The following MTRF1 variants were observed in gnomAD, a reference collection of about 807,000 sequenced individuals.
MTRF1 encodes the protein peptide chain release factor 1, mitochondrial.
Under a neutral mutation model 62.9 loss-of-function variants are expected in MTRF1, and 51 were observed. The observed-to-expected ratio is 0.81, with a 90% CI of 0.65 to 1.02. The LOEUF is 1.02. Among genes scored for constraint, MTRF1 ranks in the 50% least tolerant of loss-of-function variants. The pLI is 0.00. For synonymous variants in MTRF1, 158 were observed against 181.9 expected (o/e 0.87, Z 1.06); for missense variants, 446 against 530.0 (o/e 0.84, Z 1.56).
At chr13:41,253,505 G>GTT (rs1384659487) in intron 3 of MTRF1, among the ~76,000 whole-genome samples, 1 of 152,206 alleles carries the variant, frequency 6.6e-6, no homozygotes, top group Non-Finnish European at 1.5e-5. Flanking sequence ...TAAAGACTAT[G>GTT]TTGAGGGCTC....
chr13:41,309,155 T>C, the MTRF1 span, among the ~76,000 whole-genome samples: 1 of 152,056 alleles, frequency 6.6e-6, no homozygotes, highest in African/African-American at 2.4e-5. Context: ...CTTTTTATTG[T>C]GAATAGTGCT....
the MTRF1 span, among the ~76,000 whole-genome samples, chr13:41,299,255 T>C: frequency 2.0e-5 from 3 of 151,890 alleles, no homozygotes; most frequent in Non-Finnish European, 4.4e-5. Flanking sequence ...GAAATTTTGG[T>C]AGTATTTTTT....
At chr13:41,250,528 TC>T (rs1357282726) in intron 5 of MTRF1, among the ~76,000 whole-genome samples, 1 of 151,820 alleles carries the variant, frequency 6.6e-6, no homozygotes, top group Non-Finnish European at 1.5e-5. Flanking sequence ...TGAGTCTTAC[TC>T]TATCGCCCAG....
chr13:41,273,054 T>TGC, the MTRF1 span, among the ~76,000 whole-genome samples: 2 of 152,144 alleles, frequency 1.3e-5, no homozygotes, highest in Admixed American at 1.3e-4. Flanking sequence ...TGGCTGGGCA[T>TGC]GGTGGCTCAC....
At chr13:41,309,184 C>A in the MTRF1 span, among the ~76,000 whole-genome samples, 17 of 151,910 alleles carry the variant, frequency 1.1e-4, no homozygotes, top group African/African-American at 3.4e-4. Context: ...CATACACGTG[C>A]ATGTGTCCTT....
the MTRF1 span, among the ~76,000 whole-genome samples, chr13:41,305,762 A>T: frequency 6.6e-6 from 1 of 152,124 alleles, no homozygotes; most frequent in Non-Finnish European, 1.5e-5. Context: ...TTCAATTGTC[A>T]TTATCACCTC....
intron 9 of MTRF1, among the ~76,000 whole-genome samples, chr13:41,221,850 C>T (rs779178300): frequency 6.6e-6 from 1 of 152,074 alleles, no homozygotes; most frequent in Non-Finnish European, 1.5e-5. Flanking sequence ...ACTGAAAGAA[C>T]ATAGTGTAAT....
chr13:41,240,516 G>A (rs1179667705), intron 5 of MTRF1, 83 bp from the exon 6 acceptor site: 2 of 1,309,274 alleles, frequency 1.5e-6, no homozygotes, highest in Non-Finnish European at 1.0e-6. Flanking sequence ...TCTAAGGCCT[G>A]AATGTTGAGT....
In MTRF1 at chr13:41,252,662, T is replaced by C. The variant is rs1593974913; in HGVS notation, c.680A>G (p.Tyr227Cys). The part of the protein sequence containing the change: ...YKHWQFELLN[Y>C]TPADYGGLHH... Reference sequence around the variant, plus strand: ...ATGCCTACCATAATCTGCTGGTGTATAATTCAGAAGTTCAAATTGCCAGTG... The same window carrying C: ...ATGCCTACCATAATCTGCTGGTGTACAATTCAGAAGTTCAAATTGCCAGTG... Residue 227 changes from tyrosine to cysteine, a missense_variant, in exon 5 of 10, where the codon TAT becomes TGT. Tyr to Cys is a radical substitution (Grantham distance 194). Transcript: ENST00000379480. The C allele has an allele frequency of 6.2e-7, 1 of 1,612,332 alleles. No homozygotes were observed. Among genetic ancestry groups the C allele is most frequent in the East Asian group, 2.2e-5 (1 of 44,786 alleles).
chr13:41,260,830 A>T lies in MTRF1; in HGVS notation c.78T>A (p.His26Gln). The T allele has an allele frequency of 1.2e-6, 2 of 1,614,178 alleles. No homozygotes were observed. The highest frequency in any genetic ancestry group is 1.7e-6 in the Non-Finnish European group (2 of 1,179,992). Residue 26 changes from histidine (H) to glutamine (Q), a missense_variant, in exon 2 of 10, where the codon CAT becomes CAA. Transcript: ENST00000379480. ...GATGTATCTGTCTAAATTGATGAGA[A>T]TGGAGCTGGATGTGACACTGGAGGT... ...NGYLQCHIQL[H>Q]SHQFRQIHLD...
At chr13:41,252,252 T>C (rs1057251825) in intron 5 of MTRF1, 1 of 152,630 alleles carries the variant, frequency 6.6e-6, no homozygotes, top group Non-Finnish European at 1.5e-5. Flanking sequence ...TTCCGCATTC[T>C]CATAAAAATC....
chr13:41,249,227 C>T (rs1007913180), intron 5 of MTRF1, among the ~76,000 whole-genome samples: 1 of 152,084 alleles, frequency 6.6e-6, no homozygotes, highest in Admixed American at 6.6e-5. Context: ...TTTTCTTCTC[C>T]TAACTGCTTC....
the MTRF1 span, among the ~76,000 whole-genome samples, chr13:41,273,038 C>T: frequency 6.6e-6 from 1 of 152,026 alleles, no homozygotes; most frequent in Non-Finnish European, 1.5e-5. Context: ...AGGTTAGAAG[C>T]ATCTATGGCT....
At chr13:41,245,369 C>T (rs1340542275) in intron 5 of MTRF1, among the ~76,000 whole-genome samples, 2 of 152,018 alleles carry the variant, frequency 1.3e-5, no homozygotes, top group Non-Finnish European at 2.9e-5. Context: ...GCCACTGGAG[C>T]AGCTGGGACT....
intron 2 of MTRF1, among the ~76,000 whole-genome samples, chr13:41,258,485 G>A (rs1412545637): frequency 1.3e-5 from 2 of 151,198 alleles, no homozygotes; most frequent in Middle Eastern, 3.4e-3. Flanking sequence ...ATAAAAAATA[G>A]CCGGTAGTCC....
Position 41,217,372 on chromosome 13 carries a change from G to A in MTRF1, c.1225-144C>T, listed in dbSNP as rs560266434. 686 of 475,344 alleles carry A rather than the reference G, an allele frequency of 1.4e-3. 3 individuals are homozygous for A. The highest frequency in any genetic ancestry group is 0.012 in the African/African-American group (586 of 50,306). The allele number at this position is 475,344 out of a possible 1,614,324, so 29.4% of individuals were successfully genotyped here. On this transcript the variant is annotated intron_variant, in intron 9 of 9. Transcript: ENST00000379480. ...GTTCTGTAATACAATGAACACAATC[G>A]CTAACTTGGGAAGATCCCCACTCTG...
chr13:41,311,737 C>T, the MTRF1 span, among the ~76,000 whole-genome samples: 1 of 152,240 alleles, frequency 6.6e-6, no homozygotes, highest in Non-Finnish European at 1.5e-5. Context: ...CACTTTCCCG[C>T]TCCGGCCGGC....
intron 6 of MTRF1, 34 bp downstream of exon 6, chr13:41,240,227 G>A: frequency 6.4e-7 from 1 of 1,563,908 alleles, no homozygotes; most frequent in Non-Finnish European, 8.7e-7. Flanking sequence ...CCGTTGACAT[G>A]GAGTGAGTTT....
chr13:41,294,429 AAAAG>A, the MTRF1 span, among the ~76,000 whole-genome samples: 604 of 150,772 alleles, frequency 4.0e-3, 5 homozygotes, highest in African/African-American at 0.013. Context: ...AAAAAAAAAA[AAAAG>A]AAAGAAAGAA....
Sources: allele counts gnomAD v4.1 joint callset (sites outside exome capture counted in the v4.1 genomes callset), GRCh38; gene constraint gnomAD v4.1.1; transcripts MANE v1.5; gene names NCBI Gene and HGNC (gene_info 2026-07-23, HGNC 2026-07-21).